GNG7: variants seen among roughly 807,000 people sequenced by gnomAD.
GNG7 encodes the protein G protein subunit gamma 7.
In GNG7, 1 loss-of-function variant was observed where a neutral mutation model predicts 4.0. That is an observed-to-expected ratio of 0.25 (90% CI 0.09 to 1.18). The LOEUF (loss-of-function observed/expected upper bound fraction) is 1.18. GNG7 is among the 50% of genes most tolerant of loss of function. The probability of loss-of-function intolerance (pLI) is 0.50; values close to 1 mark genes in which losing one functional copy is unlikely to be tolerated. For synonymous variants in GNG7, 34 were observed against 36.9 expected (o/e 0.92, Z 0.29); for missense variants, 86 against 91.9 (o/e 0.94, Z 0.26).
intron 2 of GNG7, among the ~76,000 whole-genome samples, chr19:2,569,979 C>G (rs992870610): frequency 6.6e-6 from 1 of 152,182 alleles, no homozygotes; most frequent in Non-Finnish European, 1.5e-5. Flanking sequence ...GTTTGTGCCT[C>G]CGGATCTCAC....
chr19:2,677,149 G>A (rs141240427), intron 1 of GNG7, among the ~76,000 whole-genome samples: 6 of 152,210 alleles, frequency 3.9e-5, no homozygotes, highest in South Asian at 2.1e-4. Flanking sequence ...ATCTGGGAAC[G>A]TCCTCTGGAG....
chr19:2,664,337 A>G (rs553587057), intron 1 of GNG7, among the ~76,000 whole-genome samples: 1 of 152,296 alleles, frequency 6.6e-6, no homozygotes, highest in South Asian at 2.1e-4. Context: ...CAAAGTGCTG[A>G]TTGCAAAGGA....
Position 2,557,232 on chromosome 19 carries a change from C to G in GNG7, c.-77-2044G>C, listed in dbSNP as rs1472237472. On this transcript the variant is annotated intron_variant, in intron 2 of 4. Coordinates refer to ENST00000382159, the MANE Select transcript of GNG7 (RefSeq NM_052847.3). This position sits in a 1 kb window ranked among gnomAD's most constrained non-coding sequence, Gnocchi z 5.1. ...GCACACACAGACACACATGCACACA[C>G]AGACGCACATGTGCACACACACGTG... is the stretch of plus-strand genomic sequence containing the variant. 6.6e-6 allele frequency among the ~76,000 whole-genome samples: 1 copy of G among 150,784 alleles called. No individual in the cohort carries two copies. Among genetic ancestry groups the G allele is most frequent in the Non-Finnish European group, 1.5e-5 (1 of 67,924 alleles).
Position 2,692,142 on chromosome 19 carries a change from C to T in GNG7, c.-135+10504G>A, listed in dbSNP as rs558406195. On this transcript the variant is annotated intron_variant, in intron 1 of 4. Transcript: ENST00000382159. Reference sequence around the variant, plus strand: ...GGTCTGTGGTCATTCATGACGGCGGCAGCCCCAGGCTCCTCCTACAACTGG... The same window carrying T: ...GGTCTGTGGTCATTCATGACGGCGGTAGCCCCAGGCTCCTCCTACAACTGG... Among the ~76,000 whole-genome samples the T allele has an allele frequency of 1.1e-4, 16 of 152,326 alleles. No homozygotes were observed. The East Asian group carries it at 2.1e-3, about 20-fold the overall frequency.
chr19:2,606,579 C>T (rs1412179109), intron 2 of GNG7, among the ~76,000 whole-genome samples: 2 of 151,664 alleles, frequency 1.3e-5, no homozygotes, highest in Non-Finnish European at 2.9e-5. Context: ...CGCTTGAACC[C>T]GGGAGGTGGA....
At chr19:2,531,057 G>A (rs976937317) in intron 3 of GNG7, among the ~76,000 whole-genome samples, 4 of 152,078 alleles carry the variant, frequency 2.6e-5, no homozygotes, top group Non-Finnish European at 5.9e-5. Context: ...TGGAATCCCA[G>A]CACTTTGGGA....
At chr19:2,593,778 G>T (rs1980921619) in intron 2 of GNG7, among the ~76,000 whole-genome samples, 1 of 133,204 alleles carries the variant, frequency 7.5e-6, no homozygotes, top group East Asian at 2.4e-4. Flanking sequence ...TTTTCCCGGG[G>T]TAGCACTTTT....
At chr19:2,558,421 A>G in intron 2 of GNG7, among the ~76,000 whole-genome samples, 1 of 151,294 alleles carries the variant, frequency 6.6e-6, no homozygotes. Context: ...TCCTGTAGAG[A>G]TGGGGTTTTG....
Position 2,557,242 on chromosome 19 carries a change from TGTGCACACACAC to T in GNG7, c.-77-2066_-77-2055del, listed in dbSNP as rs1158807537. 2.7e-5 allele frequency among the ~76,000 whole-genome samples: 4 copies of T among 148,840 alleles called. No homozygotes were observed. The highest frequency in any genetic ancestry group is 5.0e-5 in the African/African-American group (2 of 39,842). ...ACACACATGCACACACAGACGCACATGTGCACACACACGTGCACACACATTTGCACACACAGA... is the reference window on the plus strand; with the variant it reads ...ACACACATGCACACACAGACGCACATGTGCACACACATTTGCACACACAGA... On this transcript the variant is annotated intron_variant, in intron 2 of 4. Coordinates refer to ENST00000382159, the MANE Select transcript of GNG7 (RefSeq NM_052847.3). This position sits in a 1 kb window ranked among gnomAD's most constrained non-coding sequence, Gnocchi z 5.1.
At chr19:2,593,706 T>C (rs1355342597) in intron 2 of GNG7, among the ~76,000 whole-genome samples, 1 of 150,008 alleles carries the variant, frequency 6.7e-6, no homozygotes, top group Non-Finnish European at 1.5e-5. Flanking sequence ...ATTGTGCCAC[T>C]GCACTCCTGC....
intron 1 of GNG7, among the ~76,000 whole-genome samples, chr19:2,693,252 T>C (rs1199402961): frequency 2.0e-5 from 3 of 148,492 alleles, no homozygotes; most frequent in Non-Finnish European, 4.5e-5. Context: ...ATCCTATCTT[T>C]ACAAAAAAAA....
intron 2 of GNG7, among the ~76,000 whole-genome samples, chr19:2,593,693 G>A (rs775027211): frequency 1.1e-3 from 169 of 151,252 alleles, no homozygotes; most frequent in Non-Finnish European, 1.6e-3. Context: ...GCAGTGAGCC[G>A]AGATTGTGCC....
intron 2 of GNG7, among the ~76,000 whole-genome samples, chr19:2,568,430 A>G (rs1442485325): frequency 7.0e-6 from 1 of 141,858 alleles, no homozygotes; most frequent in East Asian, 2.0e-4. Context: ...ATACACACAT[A>G]CATATACATA....
intron 3 of GNG7, among the ~76,000 whole-genome samples, chr19:2,545,479 C>G (rs952995759): frequency 6.6e-6 from 1 of 151,430 alleles, no homozygotes; most frequent in African/African-American, 2.4e-5. Flanking sequence ...GAAACCCCAT[C>G]TCTACTAAAA....
chr19:2,538,811 C>G, intron 3 of GNG7: 1 of 368,020 alleles, frequency 2.7e-6, no homozygotes, highest in Non-Finnish European at 5.2e-6. Context: ...CTCTGTCTCC[C>G]AGGCTGGAGT....
intron 3 of GNG7, among the ~76,000 whole-genome samples, chr19:2,554,597 C>T (rs1979491845): frequency 6.7e-6 from 1 of 149,452 alleles, no homozygotes; most frequent in Non-Finnish European, 1.5e-5. Context: ...CTCTGTTGCC[C>T]AGGCTGGTGT....
intron 1 of GNG7, among the ~76,000 whole-genome samples, chr19:2,689,368 C>A (rs1443619427): frequency 6.6e-6 from 1 of 151,506 alleles, no homozygotes; most frequent in Non-Finnish European, 1.5e-5. Flanking sequence ...CTCGGTGGGC[C>A]TCCCAGCACT....
At chr19:2,678,826 CT>C (rs1599458038) in intron 1 of GNG7, among the ~76,000 whole-genome samples, 1 of 152,082 alleles carries the variant, frequency 6.6e-6, no homozygotes, top group Non-Finnish European at 1.5e-5. Context: ...CTTCCCTGAC[CT>C]TTGCACCAGC....
intron 1 of GNG7, among the ~76,000 whole-genome samples, chr19:2,652,000 C>T (rs1485497965): frequency 6.7e-6 from 1 of 149,424 alleles, no homozygotes; most frequent in Non-Finnish European, 1.5e-5. Flanking sequence ...CACAGTGAAA[C>T]CCCGTCTGTA....
Sources: allele counts gnomAD v4.1 joint callset (sites outside exome capture counted in the v4.1 genomes callset), GRCh38; gene constraint gnomAD v4.1.1; non-coding constraint Gnocchi (gnomAD v3.1); transcripts MANE v1.5; gene names NCBI Gene and HGNC (gene_info 2026-07-23, HGNC 2026-07-21).